MED16: variants seen among roughly 807,000 people sequenced by gnomAD.
MED16 encodes mediator complex subunit 16, also known as mediator of RNA polymerase II transcription subunit 16.
MED16 carries 81 observed loss-of-function variants against 84.4 expected under a neutral mutation model. That is an observed-to-expected ratio of 0.96 (90% CI 0.80 to 1.15). MED16 has a LOEUF of 1.15. Among genes scored for constraint, MED16 ranks in the 50% most tolerant of loss-of-function variants. The pLI is 0.00. For missense variants in MED16, 1,585 were observed against 1,245.9 expected (o/e 1.27, Z -4.10); for synonymous variants, 897 against 552.2 (o/e 1.62, Z -8.76).
chr19:869,262 G>A (rs1480107998), intron 13 of MED16, among the ~76,000 whole-genome samples: 1 of 152,228 alleles, frequency 6.6e-6, no homozygotes, highest in African/African-American at 2.4e-5. Flanking sequence ...CGGGGAGCCT[G>A]AGGTGCAGGG....
chr19:885,423 G>A (rs573523766), intron 5 of MED16, among the ~76,000 whole-genome samples: 9 of 152,250 alleles, frequency 5.9e-5, no homozygotes, highest in South Asian at 2.1e-4. Context: ...GGTGGGATTC[G>A]GTTCGGGACA....
Position 889,779 on chromosome 19 carries a change from G to A in MED16, c.306C>T (p.Asp102=), listed in dbSNP as rs772090360. Residue 102 remains aspartate (D), a synonymous_variant, in exon 4 of 16, where the codon GAC becomes GAT. Transcript: ENST00000325464. ...CCATGCTCCAGCACTTGATCTGCCC[G>A]TCGGCATCTGCTGACAGGAGCCGGG... is the stretch of plus-strand genomic sequence containing the variant. ...SGSRLLSADA[D]GQIKCWSMAD... is the part of the protein sequence containing the mutation. 22 of 1,612,496 alleles carry A rather than the reference G, an allele frequency of 1.4e-5. No individual in the cohort carries two copies. The highest frequency in any genetic ancestry group is 1.6e-4 in the Middle Eastern group (1 of 6,066).
At chr19:889,543 G>A in intron 4 of MED16, 95 bp downstream of exon 4, 1 of 1,465,990 alleles carries the variant, frequency 6.8e-7, no homozygotes, top group South Asian at 1.4e-5. Context: ...CAAAAAACCA[G>A]GGGATGCTGG....
At chr19:880,483 G>A (rs1398572541) in intron 7 of MED16, among the ~76,000 whole-genome samples, 1 of 152,204 alleles carries the variant, frequency 6.6e-6, no homozygotes, top group East Asian at 1.9e-4. Flanking sequence ...GGGGCTCCTG[G>A]CGTCCCAAAG....
At position 872,992 on chromosome 19, in the gene MED16, CTCCGAGGTGGGGG is replaced by C. The variant is rs1294329892; in HGVS notation, c.1905+444_1905+456del. 11 of 178,690 alleles carry C rather than the reference CTCCGAGGTGGGGG, an allele frequency of 6.2e-5. 1 individual carries two copies. Among genetic ancestry groups the C allele is most frequent in the East Asian group, 4.0e-4 (2 of 4,980 alleles). The allele number at this position is 178,690 out of a possible 1,614,324, so 11.1% of individuals were successfully genotyped here. A position where few individuals can be genotyped will look rare whatever the true frequency, so the allele number is the denominator to read the frequency against. On this transcript the variant is annotated intron_variant, in intron 11 of 15. Transcript: ENST00000325464. ...GGCAGGGCTCCGAGGTGGGGGAGGG[CTCCGAGGTGGGGG>C]AGGGCTCCGAGGTGGGGCAGGGCTC...
intron 14 of MED16, 43 bp from the exon 15 acceptor site, chr19:868,542 G>T (rs761069833): frequency 6.2e-7 from 1 of 1,601,272 alleles, no homozygotes; most frequent in Non-Finnish European, 8.5e-7. Context: ...CTTCCAGGCG[G>T]GCCTCCCTTA....
At chr19:871,309 ACCCGGGACGTGCTGGGAGCCCCTCCAGTT>A (rs1313473855) in intron 12 of MED16, 56 bp from the exon 13 acceptor site, 2 of 1,477,274 alleles carry the variant, frequency 1.4e-6, no homozygotes. Flanking sequence ...CCGCCCGGCC[ACCCGGGACGTGCTGGGAGCCCCTCCAGTT>A]CAGGAGCACC....
chr19:875,627 C>T (rs1289239473), intron 9 of MED16, among the ~76,000 whole-genome samples, 173 bp from the exon 10 acceptor site: 2 of 152,184 alleles, frequency 1.3e-5, no homozygotes, highest in African/African-American at 2.4e-5. Flanking sequence ...GAAGACCAGG[C>T]GCACAGGACC....
At chr19:880,924 CAAAAA>C (rs74707923) in intron 7 of MED16, among the ~76,000 whole-genome samples, 1 of 96,424 alleles carries the variant, frequency 1.0e-5, no homozygotes, top group African/African-American at 3.9e-5. Context: ...GACTCCAACT[CAAAAA>C]AAAAAAGAAA....
intron 6 of MED16, among the ~76,000 whole-genome samples, chr19:883,733 C>T (rs1437500080): frequency 1.3e-5 from 2 of 152,088 alleles, no homozygotes; most frequent in Admixed American, 6.5e-5. Flanking sequence ...CCAGCGGGGG[C>T]ACCGGGCAGT....
chr19:877,269 T>C (rs2036271342), intron 8 of MED16, 89 bp from the exon 9 acceptor site: 1 of 1,218,182 alleles, frequency 8.2e-7, no homozygotes, highest in Non-Finnish European at 1.2e-6. Flanking sequence ...CTGCGGCACG[T>C]GTGTGGATCT....
chr19:871,533 G>C, intron 12 of MED16: 1 of 1,574,028 alleles, frequency 6.4e-7, no homozygotes, highest in Non-Finnish European at 8.6e-7. Flanking sequence ...TCCAGACACT[G>C]GGATGTAAGA....
chr19:870,902 G>A (rs1304752373), intron 13 of MED16, 135 bp downstream of exon 13: 13 of 866,532 alleles, frequency 1.5e-5, no homozygotes, highest in South Asian at 1.8e-5. Flanking sequence ...AGGACATGGA[G>A]GCGGGGAGCC....
At chr19:877,595 T>TGGCGAGGGGCTGGCGAGGGGCTG (rs1555716201) in intron 8 of MED16, among the ~76,000 whole-genome samples, 7 of 87,082 alleles carry the variant, frequency 8.0e-5, no homozygotes, top group African/African-American at 2.6e-4. Context: ...GCGAGGGGCT[T>TGGCGAGGGGCTGGCGAGGGGCTG]GCACCTGTGG....
intron 13 of MED16, 105 bp from the exon 14 acceptor site, chr19:869,051 C>G: frequency 1.0e-6 from 1 of 978,368 alleles, no homozygotes; most frequent in Non-Finnish European, 1.5e-6. Flanking sequence ...GCCGGCCTCA[C>G]ACCATCTGCC....
chr19:868,320 G>A lies in MED16; in HGVS notation c.2484-69C>T, dbSNP rs151108401. 12,876 of 1,574,912 alleles carry A rather than the reference G, an allele frequency of 8.2e-3. 74 individuals carry two copies. The highest frequency in any genetic ancestry group is 9.3e-3 in the South Asian group (820 of 88,490). ...GCGAGCGGTGGCTCTTGCAGCAGCCGGGCTCAGGGGCAGCTGAGGGGTAGC... is the reference window on the plus strand; with the variant it reads ...GCGAGCGGTGGCTCTTGCAGCAGCCAGGCTCAGGGGCAGCTGAGGGGTAGC... On this transcript the variant is annotated intron_variant, in intron 15 of 15. Coordinates refer to ENST00000325464, the MANE Select transcript of MED16 (RefSeq NM_005481.3).
At chr19:884,578 C>A (rs2036486916) in intron 6 of MED16, among the ~76,000 whole-genome samples, 1 of 152,292 alleles carries the variant, frequency 6.6e-6, no homozygotes, top group East Asian at 1.9e-4. Flanking sequence ...CCACGCTCCA[C>A]AGCCGCCCAC....
chr19:878,806 G>A (rs367577539), intron 8 of MED16, among the ~76,000 whole-genome samples: 14 of 14,770 alleles, frequency 9.5e-4, no homozygotes, highest in Admixed American at 2.1e-3. Flanking sequence ...CCAGCCCCAC[G>A]TGCCCCAGCA....
In MED16 at chr19:868,957, A is replaced by T; in HGVS notation, c.2316-11T>A. 1 of 1,532,206 alleles carries T rather than the reference A, an allele frequency of 6.5e-7. No homozygotes were observed. The highest frequency in any genetic ancestry group is 1.2e-5 in the South Asian group (1 of 83,472). The allele number at this position is 1,532,206 out of a possible 1,614,324, so 94.9% of individuals were successfully genotyped here. A position where few individuals can be genotyped will look rare whatever the true frequency, so the allele number is the denominator to read the frequency against. ...GGCTGGCCTGGGGCCCTGGCGGGAG[A>T]GGGGAGAACGTGAGGGAGGCCTGGG... On this transcript the variant is annotated splice_polypyrimidine_tract_variant and intron_variant, in intron 13 of 15. Transcript: ENST00000325464.
Sources: allele counts gnomAD v4.1 joint callset (sites outside exome capture counted in the v4.1 genomes callset), GRCh38; gene constraint gnomAD v4.1.1; transcripts MANE v1.5; gene names NCBI Gene and HGNC (gene_info 2026-07-23, HGNC 2026-07-21).